PPP1R12A: variants seen among roughly 807,000 people sequenced by gnomAD.
PPP1R12A encodes protein phosphatase 1 regulatory subunit 12A.
In PPP1R12A, 19 loss-of-function variants were observed where a neutral mutation model predicts 139.6. The ratio of observed to expected loss-of-function variants is 0.14; its 90% CI spans 0.09 to 0.20. The LOEUF (loss-of-function observed/expected upper bound fraction) is 0.20. Among genes scored for constraint, PPP1R12A ranks in the 10% least tolerant of loss-of-function variants. The pLI is 1.00. For missense variants in PPP1R12A, 925 were observed against 1,211.5 expected (o/e 0.76, Z 3.51); for synonymous variants, 427 against 420.6 (o/e 1.02, Z -0.19).
chr12:79,885,197 T>G (rs1008239262), intron 1 of PPP1R12A, among the ~76,000 whole-genome samples: 70 of 152,142 alleles, frequency 4.6e-4, no homozygotes, highest in African/African-American at 1.7e-3. Flanking sequence ...CATTTACTGG[T>G]TGGGTGTTCT....
intron 9 of PPP1R12A, among the ~76,000 whole-genome samples, chr12:79,810,883 AC>A (rs1874438688): frequency 6.7e-6 from 1 of 149,282 alleles, no homozygotes; most frequent in Non-Finnish European, 1.5e-5. Context: ...CAATTATAAT[AC>A]TTTTTTTTTT....
intron 1 of PPP1R12A, among the ~76,000 whole-genome samples, chr12:79,913,502 C>A (rs985718012): frequency 2.0e-5 from 3 of 152,140 alleles, no homozygotes; most frequent in Non-Finnish European, 2.9e-5. Flanking sequence ...CTGTCTGGAT[C>A]TTTTTCCACA....
At chr12:79,840,979 A>G (rs1352448053) in intron 3 of PPP1R12A, among the ~76,000 whole-genome samples, 1 of 151,584 alleles carries the variant, frequency 6.6e-6, no homozygotes, top group Non-Finnish European at 1.5e-5. Flanking sequence ...TTTGAATCTC[A>G]ATTCCAGTCC....
Position 79,776,031 on chromosome 12 carries a change from T to C in PPP1R12A, c.3007-16A>G, listed in dbSNP as rs781560731. The stretch of plus-strand genomic sequence containing the variant: ...CTGGTAACATCTATAAAGAGAAAAA[T>C]TGAAGATCAAGTTTTACCTTCAATA... On this transcript the variant is annotated splice_polypyrimidine_tract_variant and intron_variant, in intron 24 of 24. Coordinates refer to ENST00000450142, the MANE Select transcript of PPP1R12A (RefSeq NM_002480.3). 12 of 1,493,074 alleles carry C rather than the reference T, an allele frequency of 8.0e-6. No individual in the cohort carries two copies. Among genetic ancestry groups the C allele is most frequent in the South Asian group, 2.6e-5 (2 of 78,238 alleles). The allele number at this position is 1,493,074 out of a possible 1,614,324, so 92.5% of individuals were successfully genotyped here. A position where few individuals can be genotyped will look rare whatever the true frequency, so the allele number is the denominator to read the frequency against.
intron 2 of PPP1R12A, among the ~76,000 whole-genome samples, chr12:79,868,385 C>T (rs1251588307): frequency 6.6e-6 from 1 of 152,060 alleles, no homozygotes; most frequent in Non-Finnish European, 1.5e-5. Context: ...AAGAGTATGC[C>T]TTGATGTGAT....
chr12:79,797,540 T>C (rs1277749303), intron 15 of PPP1R12A, 145 bp from the exon 16 acceptor site: 2 of 728,428 alleles, frequency 2.7e-6, no homozygotes, highest in Non-Finnish European at 4.4e-6. Flanking sequence ...AAACAGCAAG[T>C]TACATTCATT....
intron 8 of PPP1R12A, 50 bp from the exon 9 acceptor site, chr12:79,817,568 C>G: frequency 6.8e-7 from 1 of 1,479,578 alleles, no homozygotes; most frequent in African/African-American, 1.4e-5. Flanking sequence ...TATTTGGTCT[C>G]AATGGCTGGG....
At position 79,828,246 on chromosome 12, in the gene PPP1R12A, CTA is replaced by C. The variant is rs1436390658; in HGVS notation, c.792+72_792+73del. 13 of 1,285,742 alleles carry C rather than the reference CTA, an allele frequency of 1.0e-5. No homozygotes were observed. In the East Asian group the frequency reaches 3.3e-4, roughly 33 times the overall value. The allele number at this position is 1,285,742 out of a possible 1,614,324, so 79.6% of individuals were successfully genotyped here. A position where few individuals can be genotyped will look rare whatever the true frequency, so the allele number is the denominator to read the frequency against. On this transcript the variant is annotated intron_variant, in intron 5 of 24. Coordinates refer to ENST00000450142, the MANE Select transcript of PPP1R12A (RefSeq NM_002480.3). ...ATGTAATCCTTATAACCTTTTGAGA[CTA>C]TATTTCTAAATATACTTTCTAAAAC...
At chr12:79,873,123 G>T (rs1324273792) in intron 1 of PPP1R12A, among the ~76,000 whole-genome samples, 185 bp from the exon 2 acceptor site, 1 of 152,076 alleles carries the variant, frequency 6.6e-6, no homozygotes, top group Non-Finnish European at 1.5e-5. Context: ...AAGGGTCCTT[G>T]CTTAGGTACA....
intron 2 of PPP1R12A, among the ~76,000 whole-genome samples, chr12:79,862,682 AATAGCCAATTCGATCAGGCAGAAGAAATG>A (rs1396188685): frequency 4.6e-5 from 7 of 152,342 alleles, no homozygotes; most frequent in Non-Finnish European, 8.8e-5. Flanking sequence ...CACAAGCTTC[AATAGCCAATTCGATCAGGCAGAAGAAATG>A]ATATCAGTGA....
At chr12:79,914,859 T>TA (rs1030218458) in intron 1 of PPP1R12A, among the ~76,000 whole-genome samples, 2 of 150,594 alleles carry the variant, frequency 1.3e-5, no homozygotes, top group East Asian at 1.9e-4. Flanking sequence ...GGTTTTCTAT[T>TA]AAAAAAAAAA....
intron 1 of PPP1R12A, among the ~76,000 whole-genome samples, chr12:79,911,687 T>A (rs1380390382): frequency 6.6e-6 from 1 of 152,118 alleles, no homozygotes; most frequent in Non-Finnish European, 1.5e-5. Flanking sequence ...CATAATTTTT[T>A]TTTTTTACTT....
At chr12:79,862,684 T>C (rs1166569569) in intron 2 of PPP1R12A, among the ~76,000 whole-genome samples, 3 of 152,116 alleles carry the variant, frequency 2.0e-5, no homozygotes, top group African/African-American at 7.2e-5. Context: ...CAAGCTTCAA[T>C]AGCCAATTCG....
At chr12:79,826,270 G>C (rs958748424) in intron 5 of PPP1R12A, among the ~76,000 whole-genome samples, 3 of 151,104 alleles carry the variant, frequency 2.0e-5, no homozygotes, top group African/African-American at 7.3e-5. Context: ...AATTGCATTA[G>C]GTAATATGTG....
intron 4 of PPP1R12A, among the ~76,000 whole-genome samples, chr12:79,830,065 A>G (rs1462438286): frequency 1.3e-5 from 2 of 151,984 alleles, no homozygotes; most frequent in Non-Finnish European, 2.9e-5. Flanking sequence ...TTTATTTCAT[A>G]TATGTTTTAA....
intron 1 of PPP1R12A, among the ~76,000 whole-genome samples, chr12:79,911,459 G>A (rs1886555266): frequency 6.6e-6 from 1 of 152,128 alleles, no homozygotes; most frequent in African/African-American, 2.4e-5. Flanking sequence ...TGGAGGGTGG[G>A]AGAAGGGAGA....
intron 1 of PPP1R12A, among the ~76,000 whole-genome samples, chr12:79,906,599 A>C (rs7970890): frequency 0.019 from 2,936 of 151,430 alleles, 90 homozygotes; most frequent in African/African-American, 0.068. Context: ...TTATTTATTC[A>C]TTTATGTATG....
chr12:79,800,762 C>G (rs1873025120), intron 14 of PPP1R12A, among the ~76,000 whole-genome samples: 1 of 142,274 alleles, frequency 7.0e-6, no homozygotes, highest in Non-Finnish European at 1.5e-5. Context: ...GAAACGGAGT[C>G]TCGCTCTGTC....
intron 1 of PPP1R12A, among the ~76,000 whole-genome samples, chr12:79,880,412 G>A (rs1233803674): frequency 1.3e-5 from 2 of 152,174 alleles, no homozygotes; most frequent in Non-Finnish European, 1.5e-5. Context: ...TCAACCAGTG[G>A]TAGACAGTAT....
Sources: allele counts gnomAD v4.1 joint callset (sites outside exome capture counted in the v4.1 genomes callset), GRCh38; gene constraint gnomAD v4.1.1; transcripts MANE v1.5; gene names NCBI Gene and HGNC (gene_info 2026-07-23, HGNC 2026-07-21).